The following GSE1 variants were observed in gnomAD, a reference collection of about 807,000 sequenced individuals.
GSE1 encodes the protein genetic suppressor element 1.
A neutral mutation model predicts 112.6 loss-of-function variants in GSE1; 32 were observed. The observed-to-expected ratio is 0.28, with a 90% CI of 0.21 to 0.38. The LOEUF (loss-of-function observed/expected upper bound fraction) is 0.38. GSE1 is among the 10% of genes least tolerant of loss of function. The pLI, the probability that GSE1 is intolerant of heterozygous loss-of-function variation, is 1.00. For missense variants in GSE1, 2,348 were observed against 1,699.2 expected, an observed-to-expected ratio of 1.38 and a Z score of -6.71; for synonymous variants, 1,115 against 735.6, an observed-to-expected ratio of 1.52 and a Z score of -8.35.
intron 1 of GSE1, among the ~76,000 whole-genome samples, chr16:85,352,433 G>A (rs2046869401): frequency 6.6e-6 from 1 of 152,180 alleles, no homozygotes; most frequent in South Asian, 2.1e-4. Context: ...GTCTGCTTGA[G>A]CCCCTTGAAC....
chr16:85,190,071 C>T (rs2074790548), intron 1 of GSE1, among the ~76,000 whole-genome samples: 1 of 152,170 alleles, frequency 6.6e-6, no homozygotes, highest in African/African-American at 2.4e-5. Context: ...TATGAAAACA[C>T]CGGGACTGTT....
In GSE1 at chr16:85,663,301, C is replaced by T. The variant is rs376688060; in HGVS notation, c.2374-43C>T. On this transcript the variant is annotated intron_variant, in intron 10 of 15. Coordinates refer to ENST00000253458, the MANE Select transcript of GSE1 (RefSeq NM_014615.5). ...ACCCCGGGACAGTGCAAGCATACCA[C>T]TGCCAGTGGCTTCAAACTCATTTGT... The T allele has an allele frequency of 6.6e-5, 106 of 1,606,110 alleles. No individual in the cohort carries two copies. The African/African-American group carries it at 1.2e-3, about 19-fold the overall frequency.
rs541088507 is a variant in GSE1 at position 85,226,981 on chromosome 16, C to T, written c.2283+55174C>T. 3.3e-5 allele frequency among the ~76,000 whole-genome samples: 5 copies of T among 152,182 alleles called. No individual in the cohort carries two copies. In the South Asian group the frequency reaches 1.0e-3, roughly 32 times the overall value. ...CGGCCATCCCCACACCTAGGGCCCA[C>T]CTGCCCATCCAGCCACCCACGCATC... On this transcript the variant is annotated intron_variant, in intron 1 of 2. Transcript: ENST00000637419.
chr16:85,299,047 C>T (rs572504453), intron 1 of GSE1, among the ~76,000 whole-genome samples: 14 of 152,330 alleles, frequency 9.2e-5, no homozygotes, highest in African/African-American at 3.4e-4. Flanking sequence ...TCCTGACATT[C>T]GTGACCCTGG....
intron 2 of GSE1, among the ~76,000 whole-genome samples, chr16:85,503,393 C>T (rs796296292): frequency 2.0e-5 from 3 of 152,304 alleles, no homozygotes; most frequent in African/African-American, 7.2e-5. Context: ...GCCGCTCCTC[C>T]TCCTCCTCCT....
intron 2 of GSE1, among the ~76,000 whole-genome samples, chr16:85,366,792 T>A (rs2047194676): frequency 6.6e-6 from 1 of 152,342 alleles, no homozygotes; most frequent in East Asian, 1.9e-4. Context: ...ACACCAAGCA[T>A]TGAATAAAAG....
At chr16:85,173,576 G>A (rs1294378899) in intron 1 of GSE1, among the ~76,000 whole-genome samples, 1 of 152,216 alleles carries the variant, frequency 6.6e-6, no homozygotes, top group Non-Finnish European at 1.5e-5. Flanking sequence ...CTGGGTGCCA[G>A]TTTTATACCT....
At chr16:85,490,889 A>C (rs560839886) in intron 2 of GSE1, 6 of 152,192 alleles carry the variant, frequency 3.9e-5, no homozygotes, top group Non-Finnish European at 8.8e-5. Flanking sequence ...TGCCACGGTT[A>C]CAGCTGATTA....
In GSE1 at chr16:85,655,831, C is replaced by G; in HGVS notation, c.903C>G (p.Leu301=). The G allele has an allele frequency of 6.2e-7, 1 of 1,611,122 alleles. No homozygotes were observed. ...PLHPSAMHLH[L]SGVRYPPELS... ...ACCCATCAGCGATGCACCTGCACCT[C>G]TCTGGGGTCCGCTACCCTCCCGAGC... Residue 301 remains leucine, a synonymous_variant, in exon 6 of 16, where the codon CTC becomes CTG. Transcript: ENST00000253458.
chr16:85,521,842 G>T (rs926406592), intron 2 of GSE1, among the ~76,000 whole-genome samples: 6 of 152,334 alleles, frequency 3.9e-5, no homozygotes, highest in African/African-American at 1.4e-4. Flanking sequence ...CAGCCCAGGG[G>T]GTCGTGGAGG....
intron 1 of GSE1, among the ~76,000 whole-genome samples, chr16:85,236,885 C>A (rs1567629551): frequency 6.6e-6 from 1 of 152,218 alleles, no homozygotes; most frequent in Non-Finnish European, 1.5e-5. Context: ...CTTCCTTAGA[C>A]CTCACAACTT....
At chr16:85,649,465 G>C (rs1319934808) in intron 3 of GSE1, among the ~76,000 whole-genome samples, 1 of 152,166 alleles carries the variant, frequency 6.6e-6, no homozygotes, top group East Asian at 1.9e-4. Context: ...TTACTTTTGG[G>C]GCTCCCAGCG....
chr16:85,374,525 CGTGT>C (rs995782310), intron 2 of GSE1, among the ~76,000 whole-genome samples: 1 of 142,378 alleles, frequency 7.0e-6, no homozygotes, highest in African/African-American at 2.5e-5. Context: ...TCAGTGTGTG[CGTGT>C]GTGTGTGTGT....
chr16:85,567,508 C>T (rs11862678), intron 1 of GSE1, among the ~76,000 whole-genome samples: 18,548 of 152,182 alleles, frequency 0.12, 3,023 homozygotes, highest in African/African-American at 0.36. Context: ...GCTCTCAACG[C>T]TGGGACGCCT....
intron 1 of GSE1, among the ~76,000 whole-genome samples, chr16:85,226,293 A>G (rs886214945): frequency 6.6e-6 from 1 of 152,212 alleles, no homozygotes. Flanking sequence ...TTACATTTCT[A>G]TTTATGTTGC....
intron 1 of GSE1, chr16:85,285,012 G>A (rs1054905250): frequency 3.9e-5 from 6 of 152,196 alleles, no homozygotes; most frequent in African/African-American, 9.6e-5. Context: ...AACCATCAAC[G>A]GATGCTGACA....
intron 1 of GSE1, among the ~76,000 whole-genome samples, chr16:85,266,473 C>T (rs4517782): frequency 0.28 from 42,528 of 152,092 alleles, 7,222 homozygotes; most frequent in Admixed American, 0.42. Context: ...GGGTCTCCGG[C>T]ACAAGGACCT....
intron 2 of GSE1, among the ~76,000 whole-genome samples, chr16:85,465,854 G>A (rs1184255390): frequency 1.3e-5 from 2 of 152,240 alleles, no homozygotes; most frequent in Non-Finnish European, 2.9e-5. Flanking sequence ...TTTGTCATAT[G>A]ACTAGAGAGT....
At position 85,433,980 on chromosome 16, in the gene GSE1, G is replaced by A. The variant is rs565341064; in HGVS notation, c.2464+76337G>A. Among the ~76,000 whole-genome samples, 19 of 152,210 alleles carry A rather than the reference G, an allele frequency of 1.2e-4. No individual in the cohort carries two copies. The South Asian group carries it at 3.7e-3, about 30-fold the overall frequency. On this transcript the variant is annotated intron_variant, in intron 2 of 2. Coordinates refer to the GSE1 transcript ENST00000637419. ...TTCCTCATATCCCTAGTGGAAAGGG[G>A]GACTAACTAGCTCCAGCCCTAGGCC...
Sources: allele counts gnomAD v4.1 joint callset (sites outside exome capture counted in the v4.1 genomes callset), GRCh38; gene constraint gnomAD v4.1.1; transcripts MANE v1.5; gene names NCBI Gene and HGNC (gene_info 2026-07-23, HGNC 2026-07-21).